MDGA2: variants seen among roughly 807,000 people sequenced by gnomAD.
MDGA2 encodes the protein MAM domain containing glycosylphosphatidylinositol anchor 2.
A neutral mutation model predicts 117.8 loss-of-function variants in MDGA2; 40 were observed. That is an observed-to-expected ratio of 0.34 (90% CI 0.26 to 0.44). The LOEUF is 0.44. Among genes scored for constraint, MDGA2 ranks in the 20% least tolerant of loss-of-function variants. MDGA2 has a pLI of 1.00. For missense variants in MDGA2, 1,123 were observed against 1,250.6 expected (o/e 0.90, Z 1.54); for synonymous variants, 452 against 439.0 (o/e 1.03, Z -0.37).
chr14:47,134,889 A>G (rs1882378426), intron 4 of MDGA2, among the ~76,000 whole-genome samples: 1 of 151,926 alleles, frequency 6.6e-6, no homozygotes, highest in Non-Finnish European at 1.5e-5. Flanking sequence ...CCACGGAGTG[A>G]TAATGATTCT....
intron 3 of MDGA2, among the ~76,000 whole-genome samples, chr14:47,208,175 ACCTTAT>A: frequency 6.6e-6 from 1 of 152,164 alleles, no homozygotes; most frequent in East Asian, 1.9e-4. Flanking sequence ...GAATCCGTCC[ACCTTAT>A]CCTATAATGC....
At chr14:46,988,902 A>G (rs1279118578) in intron 8 of MDGA2, among the ~76,000 whole-genome samples, 2 of 151,472 alleles carry the variant, frequency 1.3e-5, no homozygotes, top group African/African-American at 4.9e-5. Flanking sequence ...CTCAGACTAG[A>G]GAGAAGGATT....
intron 14 of MDGA2, among the ~76,000 whole-genome samples, chr14:46,858,236 A>T (rs1452623382): frequency 1.3e-5 from 2 of 149,874 alleles, no homozygotes; most frequent in African/African-American, 2.4e-5. Flanking sequence ...CACCCAGTAA[A>T]TTTTTTTGTT....
intron 8 of MDGA2, among the ~76,000 whole-genome samples, chr14:47,025,941 T>C (rs1313050476): frequency 6.6e-6 from 1 of 152,136 alleles, no homozygotes; most frequent in African/African-American, 2.4e-5. Flanking sequence ...CCCTTGTGTA[T>C]GAATTTGATA....
At chr14:47,056,205 T>C (rs773792553) in intron 7 of MDGA2, among the ~76,000 whole-genome samples, 14 of 152,152 alleles carry the variant, frequency 9.2e-5, no homozygotes, top group Non-Finnish European at 1.9e-4. Flanking sequence ...ATCTAATTAA[T>C]TGGACTTAGT....
chr14:46,947,592 A>G (rs886269908), intron 9 of MDGA2, among the ~76,000 whole-genome samples: 2 of 151,944 alleles, frequency 1.3e-5, no homozygotes, highest in Non-Finnish European at 2.9e-5. Context: ...GAGTCTCATG[A>G]GATCGGATGG....
rs541897543 is a variant in MDGA2 at position 46,977,660 on chromosome 14, G to A, written c.1820-20017C>T. The stretch of plus-strand genomic sequence containing the variant: ...ATTAAGTCAGAATTTTACTTAAGAA[G>A]ACAAATAGTTTGACAAATGCAATAT... On this transcript the variant is annotated intron_variant, in intron 8 of 16. Transcript: ENST00000399232. Among the ~76,000 whole-genome samples, 5 of 151,904 alleles carry A rather than the reference G, an allele frequency of 3.3e-5. No individual in the cohort carries two copies. The South Asian group carries it at 1.0e-3, about 31-fold the overall frequency.
chr14:47,342,344 T>G (rs1255966944), intron 1 of MDGA2, among the ~76,000 whole-genome samples: 1 of 149,686 alleles, frequency 6.7e-6, no homozygotes, highest in African/African-American at 2.4e-5. Context: ...TAAATATGTG[T>G]GTATATATAT....
At chr14:47,424,004 G>C (rs1403716079) in intron 1 of MDGA2, among the ~76,000 whole-genome samples, 1 of 151,826 alleles carries the variant, frequency 6.6e-6, no homozygotes, top group African/African-American at 2.4e-5. Context: ...GTGGAAACAG[G>C]GTTTCACCAT....
chr14:47,474,024 A>G (rs1893784169), intron 1 of MDGA2, among the ~76,000 whole-genome samples: 1 of 152,178 alleles, frequency 6.6e-6, no homozygotes, highest in Non-Finnish European at 1.5e-5. Context: ...TCAAATAGGA[A>G]GAGAGGAAGT....
rs992523018 is a variant in MDGA2, at chr14:47,377,971, A to G, written c.281-76421T>C. ...GTGAGACAACTCCCAGTAGGGGCCA[A>G]CTGACATCTCATACAGCTGGGTGCC... On this transcript the variant is annotated intron_variant, in intron 1 of 16. Transcript: ENST00000399232. Among the ~76,000 whole-genome samples the G allele has an allele frequency of 3.3e-5, 5 of 152,200 alleles. No individual in the cohort carries two copies. In the East Asian group the frequency reaches 5.8e-4, roughly 18 times the overall value.
At chr14:47,059,697 A>G (rs1889811980) in intron 7 of MDGA2, among the ~76,000 whole-genome samples, 2 of 152,090 alleles carry the variant, frequency 1.3e-5, no homozygotes, top group African/African-American at 4.8e-5. Flanking sequence ...TCTTTTAGAT[A>G]AAAGCATTGA....
intron 1 of MDGA2, among the ~76,000 whole-genome samples, chr14:47,326,151 A>G (rs1040872815): frequency 1.3e-5 from 2 of 152,106 alleles, no homozygotes; most frequent in African/African-American, 4.8e-5. Context: ...GAATGGTACC[A>G]AAAAAATCAC....
chr14:47,547,641 A>G, intron 1 of MDGA2, among the ~76,000 whole-genome samples: 1 of 152,226 alleles, frequency 6.6e-6, no homozygotes, highest in Non-Finnish European at 1.5e-5. Flanking sequence ...AGGTAAAAGC[A>G]TAAAAGTTGC....
At chr14:47,662,242 C>T (rs933748544) in intron 1 of MDGA2, among the ~76,000 whole-genome samples, 2 of 152,124 alleles carry the variant, frequency 1.3e-5, no homozygotes, top group Non-Finnish European at 2.9e-5. Flanking sequence ...GCTACTATTC[C>T]ATGCATTTTT....
At chr14:47,518,619 T>A (rs1894804304) in intron 1 of MDGA2, among the ~76,000 whole-genome samples, 1 of 152,238 alleles carries the variant, frequency 6.6e-6, no homozygotes, top group Non-Finnish European at 1.5e-5. Flanking sequence ...TTTCTTCTTA[T>A]CTAATATTCT....
intron 8 of MDGA2, among the ~76,000 whole-genome samples, chr14:46,975,797 G>A (rs1886436226): frequency 6.6e-6 from 1 of 152,018 alleles, no homozygotes; most frequent in Non-Finnish European, 1.5e-5. Flanking sequence ...TCAAGATCAG[G>A]AAACCAGCAG....
intron 1 of MDGA2, among the ~76,000 whole-genome samples, chr14:47,369,049 A>G (rs1055751134): frequency 6.6e-6 from 1 of 152,178 alleles, no homozygotes; most frequent in Non-Finnish European, 1.5e-5. Context: ...TTAATGAATA[A>G]TAACATTATT....
At chr14:47,246,418 C>A (rs10150980) in intron 2 of MDGA2, among the ~76,000 whole-genome samples, 35,472 of 151,542 alleles carry the variant, frequency 0.23, 5,551 homozygotes, top group East Asian at 0.45. Flanking sequence ...TACTTCAATA[C>A]CCTCCAGAAG....
Sources: gnomAD v4.1 joint callset for allele counts (sites outside exome capture counted in the v4.1 genomes callset) on GRCh38, gnomAD v4.1.1 for gene constraint, MANE v1.5 for transcripts, NCBI Gene and HGNC (gene_info 2026-07-23, HGNC 2026-07-21) for gene names.